Variants in TGIF1 observed in about 807,000 individuals in gnomAD.
TGIF1 encodes the protein homeobox protein TGIF1.
TGIF1 carries 4 observed loss-of-function variants against 19.3 expected under a neutral mutation model. The observed-to-expected ratio is 0.21, with a 90% CI of 0.10 to 0.47. TGIF1 has a LOEUF of 0.47. TGIF1 is among the 20% of genes least tolerant of loss of function. TGIF1 has a pLI of 0.98. For missense variants in TGIF1, 275 were observed against 341.4 expected (o/e 0.81, Z 1.53); for synonymous variants, 122 against 129.3 (o/e 0.94, Z 0.38).
intron 2 of TGIF1, among the ~76,000 whole-genome samples, chr18:3,422,856 A>G (rs1020352108): frequency 6.6e-6 from 1 of 151,692 alleles, no homozygotes; most frequent in Non-Finnish European, 1.5e-5. Flanking sequence ...ACGCCCAGCT[A>G]ATTTTTTGTA....
In TGIF1 at chr18:3,451,454, G is replaced by A; in HGVS notation, c.16+949G>A. 1 of 987,334 alleles carries A rather than the reference G, an allele frequency of 1.0e-6. No homozygotes were observed. Among genetic ancestry groups the A allele is most frequent in the Non-Finnish European group, 1.2e-6 (1 of 831,314 alleles). The allele number at this position is 987,334 out of a possible 1,614,324, so 61.2% of individuals were successfully genotyped here. A position where few individuals can be genotyped will look rare whatever the true frequency, so the allele number is the denominator to read the frequency against. ...TCCCTGGCTGGGAGGTCCCCCGAGT[G>A]TTCCGCTGTGGGCTGGAGGTGGCGT... On this transcript the variant is annotated intron_variant, in intron 1 of 2. Coordinates refer to ENST00000343820, the MANE Select transcript of TGIF1 (RefSeq NM_003244.4). The surrounding 1 kb of genome is among the most constrained non-coding windows in gnomAD (Gnocchi z 5.4).
chr18:3,457,846 A>G lies in TGIF1; in HGVS notation c.725A>G (p.Asp242Gly). 3.1e-6 allele frequency: 5 copies of G among 1,610,354 alleles called. No homozygotes were observed. The highest frequency in any genetic ancestry group is 4.2e-6 in the Non-Finnish European group (5 of 1,179,972). Residue 242 changes from aspartate (D) to glycine (G), a missense_variant, in exon 3 of 3, where the codon GAC (aspartate) becomes GGC (glycine). Transcript: ENST00000343820. The surrounding 1 kb of genome is among the most constrained non-coding windows in gnomAD (Gnocchi z 4.9). ...LFNTPPPTPP[D>G]LNQDFSGFQL... ...AACACTCCTCCCCCTACTCCACCGG[A>G]CCTCAACCAGGACTTCAGTGGATTT...
At chr18:3,452,489 G>C (rs973815508) in intron 1 of TGIF1, 12 of 1,517,122 alleles carry the variant, frequency 7.9e-6, no homozygotes, top group Admixed American at 1.9e-5. Flanking sequence ...TCCCTGGCGA[G>C]TCGTCTGGGG....
At chr18:3,414,871 T>TCTC (rs1339172996) in intron 1 of TGIF1, among the ~76,000 whole-genome samples, 1 of 151,980 alleles carries the variant, frequency 6.6e-6, no homozygotes, top group Non-Finnish European at 1.5e-5. Flanking sequence ...TAAAGAGACC[T>TCTC]CTCCTCCCCA....
rs1336899284 is a variant in TGIF1, at chr18:3,456,614, T to C, written c.243+34T>C. ...AGAGAGCGTGAGGTTTATGGATGCA[T>C]TTTTAGTTTCAAAGTCATTTTATGG... On this transcript the variant is annotated intron_variant, in intron 2 of 2. Coordinates refer to ENST00000343820, the MANE Select transcript of TGIF1 (RefSeq NM_003244.4). This position sits in a 1 kb window ranked among gnomAD's most constrained non-coding sequence, Gnocchi z 4.2. 1.3e-6 allele frequency: 2 copies of C among 1,594,468 alleles called. No individual in the cohort carries two copies. Among genetic ancestry groups the C allele is most frequent in the Non-Finnish European group, 1.7e-6 (2 of 1,163,144 alleles).
intron 2 of TGIF1, among the ~76,000 whole-genome samples, chr18:3,433,537 GAA>G (rs1268902698): frequency 6.6e-6 from 1 of 152,188 alleles, no homozygotes; most frequent in Admixed American, 6.5e-5. Context: ...CTACTTTTAT[GAA>G]AAACCTAGAA....
At chr18:3,452,062 T>G (rs757218706) in intron 1 of TGIF1, 1 of 1,613,896 alleles carries the variant, frequency 6.2e-7, no homozygotes, top group Admixed American at 1.7e-5. Flanking sequence ...TCTGATTCCT[T>G]TCCATGGCCC....
At chr18:3,419,211 T>C (rs1598853185) in intron 2 of TGIF1, among the ~76,000 whole-genome samples, 1 of 152,160 alleles carries the variant, frequency 6.6e-6, no homozygotes, top group Admixed American at 6.6e-5. Context: ...ATAAACTCAA[T>C]AATGTTGAGA....
Position 3,458,427 on chromosome 18 carries a change from G to C in TGIF1, c.*487G>C, listed in dbSNP as rs1392734413. 6.0e-6 allele frequency: 1 copy of C among 167,460 alleles called. No individual in the cohort carries two copies. Among genetic ancestry groups the C allele is most frequent in the Non-Finnish European group, 1.3e-5 (1 of 77,872 alleles). The allele number at this position is 167,460 out of a possible 1,614,324, so 10.4% of individuals were successfully genotyped here. A position where few individuals can be genotyped will look rare whatever the true frequency, so the allele number is the denominator to read the frequency against. ...TCTTTAAAAATTGTTGTAATTCAGA[G>C]TATTTCTGTTGAGGGAGGTGCTTCT... On this transcript the variant is annotated 3_prime_UTR_variant, in exon 3 of 3. Coordinates refer to ENST00000343820, the MANE Select transcript of TGIF1 (RefSeq NM_003244.4).
chr18:3,455,189 C>T (rs1202044485), intron 1 of TGIF1: 2 of 151,698 alleles, frequency 1.3e-5, no homozygotes, highest in African/African-American at 4.8e-5. Context: ...TTTTAAGATT[C>T]TAGATTGTCT....
intron 2 of TGIF1, among the ~76,000 whole-genome samples, chr18:3,425,458 T>C (rs1266220268): frequency 6.6e-6 from 1 of 152,204 alleles, no homozygotes; most frequent in African/African-American, 2.4e-5. Flanking sequence ...ATTCCGAAAG[T>C]CATAAGATTT....
chr18:3,450,498 C>CAAGA lies in TGIF1; in HGVS notation c.13_16dup (p.Gly6GlufsTer10). ...GGGAGGGGAGATCCAGAATGAAAGG[C>CAAGA]AAGAAAGGTAAGGCGGCCGCGGGCT... On this transcript the variant is annotated frameshift_variant, in exon 1 of 3. Coordinates refer to ENST00000343820, the MANE Select transcript of TGIF1 (RefSeq NM_003244.4). LOFTEE classifies it high-confidence loss of function. 6.4e-7 allele frequency: 1 copy of CAAGA among 1,563,680 alleles called. No individual in the cohort carries two copies. Among genetic ancestry groups the CAAGA allele is most frequent in the Non-Finnish European group, 8.7e-7 (1 of 1,154,340 alleles).
At chr18:3,422,673 CTTTTTTT>C (rs869116407) in intron 2 of TGIF1, among the ~76,000 whole-genome samples, 4 of 24,670 alleles carry the variant, frequency 1.6e-4, no homozygotes, top group Admixed American at 5.5e-4. Context: ...TATAGGTGGC[CTTTTTTT>C]TTTTTTTTTT....
At position 3,451,878 on chromosome 18, in the gene TGIF1, G is replaced by A; in HGVS notation, c.16+1373G>A. 6.9e-7 allele frequency: 1 copy of A among 1,439,972 alleles called. No individual in the cohort carries two copies. The highest frequency in any genetic ancestry group is 9.1e-7 in the Non-Finnish European group (1 of 1,096,544). The allele number at this position is 1,439,972 out of a possible 1,614,324, so 89.2% of individuals were successfully genotyped here. Reference sequence around the variant, plus strand: ...GCGGGGGGCGTCCGAGACGCCCCGTGAAAGCCGTGCCGACCCTTGGGAGGA... The same window carrying A: ...GCGGGGGGCGTCCGAGACGCCCCGTAAAAGCCGTGCCGACCCTTGGGAGGA... On this transcript the variant is annotated intron_variant, in intron 1 of 2. Transcript: ENST00000343820. This position sits in a 1 kb window ranked among gnomAD's most constrained non-coding sequence, Gnocchi z 5.4.
chr18:3,434,503 TC>T (rs2082590982), intron 2 of TGIF1, among the ~76,000 whole-genome samples: 1 of 151,462 alleles, frequency 6.6e-6, no homozygotes, highest in South Asian at 2.1e-4. Flanking sequence ...GCCATTGCAC[TC>T]CAGCCTGGGC....
chr18:3,415,435 G>A, intron 1 of TGIF1: 1 of 496,770 alleles, frequency 2.0e-6, no homozygotes. Flanking sequence ...TTCTCAGGCA[G>A]AGGATCCAAA....
intron 2 of TGIF1, among the ~76,000 whole-genome samples, chr18:3,432,123 C>CAAAAAAAAA (rs751364681): frequency 1.0e-5 from 1 of 97,994 alleles, no homozygotes; most frequent in Non-Finnish European, 2.0e-5. Flanking sequence ...ACAAAACTGT[C>CAAAAAAAAA]AAAAAAAAAA....
In TGIF1 at chr18:3,456,018, T is replaced by C. The variant is rs2049340617; in HGVS notation, c.17-336T>C. ...GCCACAGCACCCTTCCTGTTTCAAA[T>C]GTGGCAGGTTATTCATTTTGGGTGC... On this transcript the variant is annotated intron_variant, in intron 1 of 2. Transcript: ENST00000343820. This position sits in a 1 kb window ranked among gnomAD's most constrained non-coding sequence, Gnocchi z 4.2. 2 of 380,984 alleles carry C rather than the reference T, an allele frequency of 5.2e-6. No homozygotes were observed. Among genetic ancestry groups the C allele is most frequent in the South Asian group, 2.2e-5 (1 of 44,860 alleles). 23.6% of individuals were successfully genotyped at this position (380,984 alleles called of 1,614,324 possible).
At chr18:3,442,949 TG>T (rs1393212918) in intron 2 of TGIF1, among the ~76,000 whole-genome samples, 1 of 152,192 alleles carries the variant, frequency 6.6e-6, no homozygotes, top group East Asian at 1.9e-4. Flanking sequence ...CACATAACTT[TG>T]GTGAGATTTT....
Sources: allele counts gnomAD v4.1 joint callset (sites outside exome capture counted in the v4.1 genomes callset), GRCh38; gene constraint gnomAD v4.1.1; non-coding constraint Gnocchi (gnomAD v3.1); transcripts MANE v1.5; gene names NCBI Gene and HGNC (gene_info 2026-07-23, HGNC 2026-07-21).